The following VPS35L variants were observed in gnomAD, a reference collection of about 807,000 sequenced individuals.
The protein encoded by VPS35L is VPS35 endosomal protein sorting factor like, also known as VPS35 endosomal protein-sorting factor-like.
Under a neutral mutation model 133.0 loss-of-function variants are expected in VPS35L, and 83 were observed. The observed-to-expected ratio is 0.62, with a 90% CI of 0.52 to 0.75. VPS35L has a LOEUF of 0.75. Ranked by LOEUF, VPS35L falls within the 30% of genes least tolerant of loss-of-function variation. The pLI, the probability that VPS35L is intolerant of heterozygous loss-of-function variation, is 0.00. For missense variants in VPS35L, 1,083 were observed against 1,206.8 expected (o/e 0.90, Z 1.52); for synonymous variants, 423 against 449.9 (o/e 0.94, Z 0.76).
At chr16:19,628,594 G>T in intron 16 of VPS35L, 43 bp from the exon 17 acceptor site, 2 of 1,096,670 alleles carry the variant, frequency 1.8e-6, no homozygotes, top group South Asian at 2.9e-5. Flanking sequence ...AAGTTAATTT[G>T]ATTTAAAATT....
chr16:19,615,968 A>T (rs866316232), intron 12 of VPS35L, 146 bp from the exon 13 acceptor site: 1 of 254,770 alleles, frequency 3.9e-6, no homozygotes, highest in Non-Finnish European at 6.7e-6. Flanking sequence ...CTCCATCTCA[A>T]AATAATAATA....
intron 18 of VPS35L, among the ~76,000 whole-genome samples, chr16:19,631,150 T>C (rs1317371681): frequency 2.0e-5 from 3 of 152,118 alleles, no homozygotes; most frequent in Non-Finnish European, 4.4e-5. Flanking sequence ...CTTCCCAGCC[T>C]CCAGAACTGT....
At chr16:19,680,489 G>A (rs1417359861) in intron 27 of VPS35L, among the ~76,000 whole-genome samples, 4 of 152,188 alleles carry the variant, frequency 2.6e-5, no homozygotes. Flanking sequence ...AATAGATGAA[G>A]TGCCTGTCCT....
At chr16:19,603,006 C>T (rs961502212) in intron 9 of VPS35L, among the ~76,000 whole-genome samples, 9 of 150,762 alleles carry the variant, frequency 6.0e-5, no homozygotes, top group Admixed American at 3.3e-4. Flanking sequence ...CCCAAGCAGT[C>T]CTCCCACCTC....
chr16:19,691,429 G>A lies in VPS35L; in HGVS notation c.2604G>A (p.Met868Ile), dbSNP rs982360844. The stretch of plus-strand genomic sequence containing the variant: ...ACAACAAGCTGTGTGAGACGGTGAT[G>A]GCTCAGATCCTAGAGCATCTGAAAA... ...AENNKLCETV[M>I]AQILEHLKTL... The change falls in exon 29 of 31, where the codon ATG becomes ATA. Residue 868 changes from methionine to isoleucine, a missense_variant. Met to Ile is a conservative substitution (Grantham distance 10, BLOSUM62 1). Coordinates refer to ENST00000417362, the MANE Select transcript of VPS35L (RefSeq NM_020314.7). 15 of 1,614,048 alleles carry A rather than the reference G, an allele frequency of 9.3e-6. No individual in the cohort carries two copies. In the African/African-American group the frequency reaches 9.3e-5, roughly 10 times the overall value.
chr16:19,569,137 G>T, intron 2 of VPS35L: 1 of 586,794 alleles, frequency 1.7e-6, no homozygotes, highest in Non-Finnish European at 3.2e-6. Context: ...ATTTTGGTTT[G>T]CTACATAGGG....
intron 3 of VPS35L, among the ~76,000 whole-genome samples, chr16:19,570,862 TATATATATATATATATATATATATATA>T (rs1567388510): frequency 2.6e-5 from 2 of 76,010 alleles, no homozygotes; most frequent in Non-Finnish European, 4.7e-5. Context: ...TATATATATA[TATATATATATATATATATATATATATA>T]TTTTTGAGAT....
rs1180404849 is a variant in VPS35L, at chr16:19,656,962, G to GTTTT, written c.2221+4890_2221+4893dup. 9.5e-4 allele frequency among the ~76,000 whole-genome samples: 104 copies of GTTTT among 109,512 alleles called. 1 individual carries two copies. Among genetic ancestry groups the GTTTT allele is most frequent in the Non-Finnish European group, 1.2e-3 (69 of 55,812 alleles). 71.8% of individuals were successfully genotyped at this position (109,512 alleles called of 152,430 possible). On this transcript the variant is annotated intron_variant, in intron 26 of 30. Coordinates refer to ENST00000417362, the MANE Select transcript of VPS35L (RefSeq NM_020314.7). ...AGAGAGATAGTGGTCAAAAGAACTT[G>GTTTT]TTTTTTTTTTTTTTTTTTTTTGAGG...
rs115639933 is a variant in VPS35L at position 19,615,068 on chromosome 16, C to T, written c.1024-1046C>T. Among the ~76,000 whole-genome samples, 27 of 152,286 alleles carry T rather than the reference C, an allele frequency of 1.8e-4. 1 individual carries two copies. Among genetic ancestry groups the T allele is most frequent in the African/African-American group, 5.8e-4 (24 of 41,550 alleles). ...GTATAGCTTTTAACTAAGCATGTAA[C>T]GGGGGCAGCACCACATCTGGAATTC... On this transcript the variant is annotated intron_variant, in intron 12 of 30. Transcript: ENST00000417362.
In VPS35L at chr16:19,633,247, G is replaced by C; in HGVS notation, c.1635+75G>C. 1 of 1,324,886 alleles carries C rather than the reference G, an allele frequency of 7.5e-7. No individual in the cohort carries two copies. The highest frequency in any genetic ancestry group is 1.1e-6 in the Non-Finnish European group (1 of 919,226). 82.1% of individuals were successfully genotyped at this position (1,324,886 alleles called of 1,614,324 possible). A position where few individuals can be genotyped will look rare whatever the true frequency, so the allele number is the denominator to read the frequency against. ...TTGAATTAAATAGGCGTGTTGTATG[G>C]GTCAGGCTATAAAGGCACATAATCC... On this transcript the variant is annotated intron_variant, in intron 19 of 30. Transcript: ENST00000417362. The surrounding 1 kb of genome is among the most constrained non-coding windows in gnomAD (Gnocchi z 4.1).
intron 27 of VPS35L, among the ~76,000 whole-genome samples, chr16:19,677,827 C>T (rs926793165): frequency 4.6e-5 from 7 of 152,216 alleles, no homozygotes; most frequent in South Asian, 4.1e-4. Flanking sequence ...TTTGGAAGAA[C>T]ATACGAGCTC....
intron 26 of VPS35L, among the ~76,000 whole-genome samples, chr16:19,666,600 G>A (rs1299468848): frequency 5.9e-5 from 9 of 152,142 alleles, no homozygotes; most frequent in Admixed American, 1.3e-4. Context: ...GAAACTGGGC[G>A]GGGTGGGTGA....
At chr16:19,578,943 A>C in intron 5 of VPS35L, 109 bp from the exon 6 acceptor site, 1 of 886,558 alleles carries the variant, frequency 1.1e-6, no homozygotes, top group Non-Finnish European at 1.8e-6. Flanking sequence ...TAATGGAATC[A>C]TTCCCTTGTG....
chr16:19,603,245 C>A (rs1972442121), intron 9 of VPS35L, among the ~76,000 whole-genome samples: 1 of 152,164 alleles, frequency 6.6e-6, no homozygotes, highest in Non-Finnish European at 1.5e-5. Flanking sequence ...GGCCCTGCCA[C>A]CAGCTACTGA....
chr16:19,642,563 C>T (rs1418577497), intron 22 of VPS35L, 87 bp downstream of exon 22: 2 of 1,083,330 alleles, frequency 1.8e-6, no homozygotes, highest in Middle Eastern at 2.1e-4. Context: ...CTTTAAGCTG[C>T]CACTGTGAAT....
In VPS35L at chr16:19,633,811, C is replaced by T. The variant is rs1235385102; in HGVS notation, c.1635+639C>T. Among the ~76,000 whole-genome samples the T allele has an allele frequency of 6.6e-6, 1 of 152,102 alleles. No individual in the cohort carries two copies. The highest frequency in any genetic ancestry group is 1.5e-5 in the Non-Finnish European group (1 of 68,028). Reference sequence around the variant, plus strand: ...GGAGTGCAGTGGTGCGATCTTGGCTCATTGCAACCTCCACCTTCAATTCTT... The same window carrying T: ...GGAGTGCAGTGGTGCGATCTTGGCTTATTGCAACCTCCACCTTCAATTCTT... On this transcript the variant is annotated intron_variant, in intron 19 of 30. Transcript: ENST00000417362. The surrounding 1 kb of genome is among the most constrained non-coding windows in gnomAD (Gnocchi z 4.1).
Position 19,700,624 on chromosome 16 carries a change from C to T in VPS35L, c.*148C>T. ...AATTGTTTTAAGCTTTGGCCTCTATCCAGGTTATTCTGACAATGAAGAAAT... is the reference window on the plus strand; with the variant it reads ...AATTGTTTTAAGCTTTGGCCTCTATTCAGGTTATTCTGACAATGAAGAAAT... On this transcript the variant is annotated 3_prime_UTR_variant, in exon 31 of 31. Coordinates refer to ENST00000417362, the MANE Select transcript of VPS35L (RefSeq NM_020314.7). 1 of 640,294 alleles carries T rather than the reference C, an allele frequency of 1.6e-6. No homozygotes were observed. Among genetic ancestry groups the T allele is most frequent in the Non-Finnish European group, 2.7e-6 (1 of 369,646 alleles). 39.7% of individuals were successfully genotyped at this position (640,294 alleles called of 1,614,324 possible). A position where few individuals can be genotyped will look rare whatever the true frequency, so the allele number is the denominator to read the frequency against.
rs548140283 is a variant in VPS35L, at chr16:19,579,033, G to A, written c.434-19G>A. On this transcript the variant is annotated intron_variant, in intron 5 of 30. Coordinates refer to ENST00000417362, the MANE Select transcript of VPS35L (RefSeq NM_020314.7). The stretch of plus-strand genomic sequence containing the variant: ...GCACGAGAAAAGCCACCTGTGTGAC[G>A]TAAATTCATTCTGTTTAGGCAAAGC... The A allele has an allele frequency of 2.6e-5, 42 of 1,612,990 alleles. No homozygotes were observed. Among genetic ancestry groups the A allele is most frequent in the African/African-American group, 2.0e-4 (15 of 75,026 alleles).
chr16:19,575,427 G>A (rs929142797), intron 5 of VPS35L, among the ~76,000 whole-genome samples: 2 of 152,092 alleles, frequency 1.3e-5, no homozygotes, highest in African/African-American at 4.8e-5. Flanking sequence ...TTTGCTGGGC[G>A]TGGTGGCGCA....
Sources: allele counts gnomAD v4.1 joint callset (sites outside exome capture counted in the v4.1 genomes callset), GRCh38; gene constraint gnomAD v4.1.1; non-coding constraint Gnocchi (gnomAD v3.1); transcripts MANE v1.5; gene names NCBI Gene and HGNC (gene_info 2026-07-23, HGNC 2026-07-21).